Variants in MIR2052HG observed in about 807,000 individuals in gnomAD.
The protein encoded by MIR2052HG is MIR2052 host gene.
At chr8:74,667,793 C>A (rs937705282) in intron 2 of MIR2052HG, among the ~76,000 whole-genome samples, 2 of 152,058 alleles carry the variant, frequency 1.3e-5, no homozygotes, top group African/African-American at 2.4e-5. Flanking sequence ...GGAGAACCAC[C>A]CCTTGTGATT....
At chr8:74,681,250 A>C (rs935812927) in intron 2 of MIR2052HG, among the ~76,000 whole-genome samples, 3 of 152,054 alleles carry the variant, frequency 2.0e-5, no homozygotes, top group African/African-American at 4.8e-5. Context: ...CCAAGGCATA[A>C]ATTTTCTGCA....
chr8:74,715,889 G>A (rs1463344073), intron 4 of MIR2052HG, among the ~76,000 whole-genome samples: 1 of 152,198 alleles, frequency 6.6e-6, no homozygotes, highest in African/African-American at 2.4e-5. Flanking sequence ...CTAAGTTTCT[G>A]TGGGGTTCAA....
At position 74,655,355 on chromosome 8, in the gene MIR2052HG, A is replaced by T. The variant is rs551030279; in HGVS notation, n.216+42415A>T. On this transcript the variant is annotated intron_variant and non_coding_transcript_variant, in intron 2 of 6. Coordinates refer to ENST00000523442, the Ensembl canonical transcript of MIR2052HG. Reference sequence around the variant, plus strand: ...AGGGCATGTCATAGGTCTTCATGGCAGTCCCTCCCATCATGGACCCAGAAG... The same window carrying T: ...AGGGCATGTCATAGGTCTTCATGGCTGTCCCTCCCATCATGGACCCAGAAG... Among the ~76,000 whole-genome samples the T allele has an allele frequency of 2.6e-5, 4 of 152,308 alleles. No homozygotes were observed. The South Asian group carries it at 8.3e-4, about 32-fold the overall frequency.
intron 1 of MIR2052HG, among the ~76,000 whole-genome samples, chr8:74,601,457 A>AC (rs1197776858): frequency 6.6e-6 from 1 of 152,070 alleles, no homozygotes; most frequent in Admixed American, 6.6e-5. Context: ...TGTTAAAATC[A>AC]CCCCACATTC....
Position 74,715,424 on chromosome 8 carries a change from C to T in MIR2052HG, n.371+11742C>T, listed in dbSNP as rs1239603796. On this transcript the variant is annotated intron_variant and non_coding_transcript_variant, in intron 4 of 6. Transcript: ENST00000523442. ...CTGCCTAATTGTCCATGGCGATTCA[C>T]AATTCAGAATTAACTTTACACAAAA... Among the ~76,000 whole-genome samples, 4 of 152,268 alleles carry T rather than the reference C, an allele frequency of 2.6e-5. No homozygotes were observed. The East Asian group carries it at 7.7e-4, about 29-fold the overall frequency.
chr8:74,611,947 A>T (rs1463038935), intron 1 of MIR2052HG, among the ~76,000 whole-genome samples: 1 of 152,240 alleles, frequency 6.6e-6, no homozygotes. Flanking sequence ...TGTTACTTAC[A>T]GATAGACGGC....
At chr8:74,688,377 GAC>G (rs1436511710) in intron 2 of MIR2052HG, among the ~76,000 whole-genome samples, 10 of 152,142 alleles carry the variant, frequency 6.6e-5, no homozygotes, top group Non-Finnish European at 1.5e-4. Context: ...AGATATAGAA[GAC>G]AGTTTCTGTC....
At chr8:74,611,676 G>A (rs908426487) in intron 1 of MIR2052HG, among the ~76,000 whole-genome samples, 2 of 152,062 alleles carry the variant, frequency 1.3e-5, no homozygotes, top group Non-Finnish European at 1.5e-5. Context: ...AGGACACTAC[G>A]AACAAAATGT....
At chr8:74,714,833 T>C (rs1809505217) in intron 4 of MIR2052HG, among the ~76,000 whole-genome samples, 1 of 151,630 alleles carries the variant, frequency 6.6e-6, no homozygotes, top group African/African-American at 2.4e-5. Flanking sequence ...GCCTCCTGAG[T>C]AGCTGGGATT....
intron 2 of MIR2052HG, among the ~76,000 whole-genome samples, chr8:74,690,719 C>G (rs2128739886): frequency 6.6e-6 from 1 of 152,080 alleles, no homozygotes; most frequent in Middle Eastern, 3.4e-3. Flanking sequence ...AAAGCATTTT[C>G]TAAGGCTTTT....
chr8:74,622,810 A>G (rs1273257110), intron 2 of MIR2052HG, among the ~76,000 whole-genome samples: 1 of 150,054 alleles, frequency 6.7e-6, no homozygotes, highest in Non-Finnish European at 1.5e-5. Flanking sequence ...CAGTACAGTC[A>G]TTATGAAAAC....
intron 1 of MIR2052HG, among the ~76,000 whole-genome samples, chr8:74,607,023 C>G (rs1808121309): frequency 6.7e-6 from 1 of 149,212 alleles, no homozygotes; most frequent in South Asian, 2.1e-4. Context: ...AACTAAAAGG[C>G]AAAAAAATTG....
chr8:74,670,710 A>C (rs1270231774), intron 2 of MIR2052HG, among the ~76,000 whole-genome samples: 1 of 152,204 alleles, frequency 6.6e-6, no homozygotes, highest in African/African-American at 2.4e-5. Flanking sequence ...GTATATGGTT[A>C]TCAGACATTG....
chr8:74,739,930 T>C (rs1809808734), intron 4 of MIR2052HG, among the ~76,000 whole-genome samples: 1 of 152,166 alleles, frequency 6.6e-6, no homozygotes, highest in Admixed American at 6.6e-5. Context: ...GGCTATACAC[T>C]ATTTCTAATG....
chr8:74,663,932 C>T (rs898074844), intron 2 of MIR2052HG, among the ~76,000 whole-genome samples: 1 of 151,976 alleles, frequency 6.6e-6, no homozygotes, highest in African/African-American at 2.4e-5. Flanking sequence ...CATATTCCAC[C>T]GTGAAAATTG....
At chr8:74,602,663 C>T (rs1291252109) in intron 1 of MIR2052HG, among the ~76,000 whole-genome samples, 2 of 151,774 alleles carry the variant, frequency 1.3e-5, no homozygotes, top group African/African-American at 4.8e-5. Context: ...AGGCACATGC[C>T]ACCATGCCTG....
At chr8:74,602,107 G>A (rs185764406) in intron 1 of MIR2052HG, among the ~76,000 whole-genome samples, 1 of 152,280 alleles carries the variant, frequency 6.6e-6, no homozygotes, top group East Asian at 1.9e-4. Flanking sequence ...ACAGAATGAG[G>A]TAGGAGGTTA....
At chr8:74,620,885 A>G (rs566185939) in intron 2 of MIR2052HG, among the ~76,000 whole-genome samples, 1 of 152,296 alleles carries the variant, frequency 6.6e-6, no homozygotes, top group South Asian at 2.1e-4. Context: ...TTTATTTTCT[A>G]TTGCATGGTC....
At chr8:74,720,811 A>G (rs59655134) in intron 4 of MIR2052HG, among the ~76,000 whole-genome samples, 4,808 of 152,198 alleles carry the variant, frequency 0.032, 221 homozygotes, top group African/African-American at 0.11. Flanking sequence ...TTTTACCATC[A>G]TGGCGGAAAG....
Sources: gnomAD v4.1 joint callset for allele counts (sites outside exome capture counted in the v4.1 genomes callset) on GRCh38, gnomAD v4.1.1 for gene constraint, MANE v1.5 for transcripts, NCBI Gene and HGNC (gene_info 2026-07-23, HGNC 2026-07-21) for gene names.